Variants in ACACA observed in about 807,000 individuals in gnomAD.
ACACA encodes acetyl-CoA carboxylase alpha, also known as acetyl-CoA carboxylase 1.
In ACACA, 103 loss-of-function variants were observed where a neutral mutation model predicts 296.1. That is an observed-to-expected ratio of 0.35 (90% CI 0.30 to 0.41). The LOEUF is 0.41. Ranked by LOEUF, ACACA falls within the 10% of genes least tolerant of loss-of-function variation. The pLI is 1.00. For synonymous variants in ACACA, 953 were observed against 1,038.6 expected (o/e 0.92, Z 1.58); for missense variants, 1,554 against 2,989.7 (o/e 0.52, Z 11.20).
chr17:37,329,657 A>T (rs2047776961), intron 3 of ACACA, among the ~76,000 whole-genome samples: 1 of 150,006 alleles, frequency 6.7e-6, no homozygotes, highest in Non-Finnish European at 1.5e-5. Context: ...AAAAAAAAAA[A>T]TAGGCTGGGC....
chr17:37,091,297 A>G (rs552759562), intron 54 of ACACA, among the ~76,000 whole-genome samples: 61 of 152,216 alleles, frequency 4.0e-4, no homozygotes, highest in Non-Finnish European at 8.1e-4. Context: ...CAAGTTTTAC[A>G]GTTGCTTGAA....
At chr17:37,394,444 C>G (rs184203312) in intron 1 of ACACA, among the ~76,000 whole-genome samples, 1 of 151,920 alleles carries the variant, frequency 6.6e-6, no homozygotes, top group African/African-American at 2.4e-5. Flanking sequence ...CTCCTGACCT[C>G]AAGTGATCCA....
chr17:37,376,093 A>T (rs1466474160), intron 1 of ACACA: 10 of 1,612,264 alleles, frequency 6.2e-6, no homozygotes, highest in Non-Finnish European at 8.5e-6. Flanking sequence ...TCAAGCTAAC[A>T]TGGATACCAT....
chr17:37,389,559 T>A (rs1359302324), intron 1 of ACACA, among the ~76,000 whole-genome samples: 1 of 151,846 alleles, frequency 6.6e-6, no homozygotes, highest in African/African-American at 2.4e-5. Flanking sequence ...AGGTGGCACA[T>A]GCCTGTACTC....
chr17:37,263,619 G>A (rs1430352423), intron 11 of ACACA, 66 bp downstream of exon 11: 15 of 1,311,506 alleles, frequency 1.1e-5, no homozygotes, highest in Non-Finnish European at 1.7e-5. Context: ...TCTCAGATTG[G>A]TACATGAACT....
chr17:37,396,587 T>C (rs2051089455), intron 1 of ACACA, among the ~76,000 whole-genome samples: 1 of 152,126 alleles, frequency 6.6e-6, no homozygotes, highest in Non-Finnish European at 1.5e-5. Context: ...TACCCCCTCC[T>C]ATTAATATTT....
intron 16 of ACACA, among the ~76,000 whole-genome samples, chr17:37,250,364 G>A (rs2080924774): frequency 6.6e-6 from 1 of 152,206 alleles, no homozygotes; most frequent in South Asian, 2.1e-4. Flanking sequence ...TTAAGGTTGG[G>A]CGCAGTGGCT....
Position 37,130,064 on chromosome 17 carries a change from G to A in ACACA, c.5823+11C>T, listed in dbSNP as rs772267948. 6.2e-7 allele frequency: 1 copy of A among 1,614,048 alleles called. No individual in the cohort carries two copies. Among genetic ancestry groups the A allele is most frequent in the Non-Finnish European group, 8.5e-7 (1 of 1,179,932 alleles). ...TGCAGGCCATGTCAGTGCTGGGTAGGAAGGGCTCACCTTGGGCATGTAAGA... is the reference window on the plus strand; with the variant it reads ...TGCAGGCCATGTCAGTGCTGGGTAGAAAGGGCTCACCTTGGGCATGTAAGA... On this transcript the variant is annotated intron_variant, in intron 46 of 55. Transcript: ENST00000616317.
chr17:37,319,179 T>C (rs1353968475), intron 3 of ACACA, among the ~76,000 whole-genome samples: 5 of 152,204 alleles, frequency 3.3e-5, no homozygotes, highest in Non-Finnish European at 7.3e-5. Flanking sequence ...TGTGACAGAT[T>C]AAGAAATTTA....
Position 37,085,038 on chromosome 17 carries a change from G to A in ACACA, c.*2278C>T, listed in dbSNP as rs765366793. 1 of 152,718 alleles carries A rather than the reference G, an allele frequency of 6.5e-6. No homozygotes were observed. The highest frequency in any genetic ancestry group is 2.4e-5 in the African/African-American group (1 of 41,470). The allele number at this position is 152,718 out of a possible 1,614,324, so 9.5% of individuals were successfully genotyped here. Reference sequence around the variant, plus strand: ...TATTTCAACAAAATGTGTAAAGAGTGCATCTGAAGCTCCTGCTCATCACAG... The same window carrying A: ...TATTTCAACAAAATGTGTAAAGAGTACATCTGAAGCTCCTGCTCATCACAG... On this transcript the variant is annotated 3_prime_UTR_variant, in exon 56 of 56. Transcript: ENST00000616317.
chr17:37,221,247 T>C (rs1279884423), intron 29 of ACACA, among the ~76,000 whole-genome samples: 3 of 152,044 alleles, frequency 2.0e-5, no homozygotes, highest in South Asian at 2.1e-4. Context: ...TAAAAACTGA[T>C]TGAATTTCAA....
chr17:37,310,793 C>CA (rs74268026), intron 3 of ACACA, among the ~76,000 whole-genome samples: 9,813 of 49,776 alleles, frequency 0.2, 840 homozygotes, highest in East Asian at 0.37. Context: ...GACACCATCT[C>CA]AAAAAAAAAA....
At chr17:37,333,496 A>G (rs1381387895) in intron 2 of ACACA, among the ~76,000 whole-genome samples, 1 of 152,128 alleles carries the variant, frequency 6.6e-6, no homozygotes, top group Non-Finnish European at 1.5e-5. Context: ...CCCAGTACTC[A>G]GAAGAAGAAA....
intron 26 of ACACA, among the ~76,000 whole-genome samples, 170 bp downstream of exon 26, chr17:37,226,169 C>T (rs1372722024): frequency 1.3e-5 from 2 of 152,076 alleles, no homozygotes; most frequent in African/African-American, 4.8e-5. Context: ...CTTTTCCTTT[C>T]TCTTTAAAAA....
At chr17:37,363,573 G>A (rs948204727) in intron 1 of ACACA, among the ~76,000 whole-genome samples, 1 of 151,660 alleles carries the variant, frequency 6.6e-6, no homozygotes, top group Non-Finnish European at 1.5e-5. Context: ...TCCCCTCTTT[G>A]TGTGCCAGAG....
chr17:37,161,788 G>C lies in ACACA; in HGVS notation c.5342C>G (p.Pro1781Arg), dbSNP rs763045268. ...FHVAWVDPED[P>R]YKGYRYLYLT... ...TATGCTCTTAGTGTGTACCTTGTAA[G>C]GATCCTCAGGATCTACCCAGGCCAC... The change falls in exon 42 of 56, where the codon CCT (proline) becomes CGT (arginine). Residue 1781 changes from proline to arginine, a missense_variant. Pro to Arg is a moderately radical substitution (Grantham distance 103). Transcript: ENST00000616317. The C allele has an allele frequency of 6.2e-7, 1 of 1,611,082 alleles. No individual in the cohort carries two copies. Among genetic ancestry groups the C allele is most frequent in the Non-Finnish European group, 8.5e-7 (1 of 1,179,978 alleles).
intron 3 of ACACA, among the ~76,000 whole-genome samples, chr17:37,291,167 CA>C (rs1476971284): frequency 3.2e-5 from 2 of 61,684 alleles, no homozygotes; most frequent in African/African-American, 1.7e-4. Context: ...CACACACACA[CA>C]TCTCATAATA....
chr17:37,179,323 A>G lies in ACACA; in HGVS notation c.5016T>C (p.Thr1672=). The G allele has an allele frequency of 1.2e-6, 2 of 1,614,168 alleles. No individual in the cohort carries two copies. The highest frequency in any genetic ancestry group is 1.7e-6 in the Non-Finnish European group (2 of 1,180,022). Residue 1672 remains threonine, a synonymous_variant, in exon 41 of 56, where the codon ACT becomes ACC. Coordinates refer to ENST00000616317, the MANE Select transcript of ACACA (RefSeq NM_198834.3). ...PPLPSDMLTY[T]ELVLDDQGQL... is the part of the protein sequence containing the mutation. ...GACCTTGATCATCCAGTACCAGTTC[A>G]GTGTAAGTCAGCATGTCAGAAGGCA...
chr17:37,239,367 C>A lies in ACACA; in HGVS notation c.3121+1109G>T, dbSNP rs114865387. Among the ~76,000 whole-genome samples, 1,288 of 152,120 alleles carry A rather than the reference C, an allele frequency of 8.5e-3. 14 individuals are homozygous for A. The highest frequency in any genetic ancestry group is 0.03 in the African/African-American group (1,232 of 41,474). On this transcript the variant is annotated intron_variant, in intron 24 of 55. Transcript: ENST00000616317. ...GCTCTTATACCCTTTAATTCTTTTC[C>A]TTGTCTTACTGCACTGGCTAGGACA...
Sources: gnomAD v4.1 joint callset for allele counts (sites outside exome capture counted in the v4.1 genomes callset) on GRCh38, gnomAD v4.1.1 for gene constraint, MANE v1.5 for transcripts, NCBI Gene and HGNC (gene_info 2026-07-23, HGNC 2026-07-21) for gene names.